FAM81A: variants seen among roughly 807,000 people sequenced by gnomAD.
The protein encoded by FAM81A is family with sequence similarity 81 member A.
In FAM81A, 19 loss-of-function variants were observed where a neutral mutation model predicts 46.7. The ratio of observed to expected loss-of-function variants is 0.41; its 90% CI spans 0.28 to 0.60. FAM81A has a LOEUF of 0.60. Ranked by LOEUF, FAM81A falls within the 20% of genes least tolerant of loss-of-function variation. The pLI, the probability that FAM81A is intolerant of heterozygous loss-of-function variation, is 0.34. For missense variants in FAM81A, 377 were observed against 453.5 expected, an observed-to-expected ratio of 0.83 and a Z score of 1.53; for synonymous variants, 183 against 152.9, an observed-to-expected ratio of 1.20 and a Z score of -1.45.
chr15:59,487,380 A>C (rs1469638516), intron 3 of FAM81A, among the ~76,000 whole-genome samples: 1 of 150,172 alleles, frequency 6.7e-6, no homozygotes, highest in Non-Finnish European at 1.5e-5. Context: ...AGAGCAAACC[A>C]AACCCAAAGT....
At chr15:59,508,484 A>G (rs2082171665) in intron 5 of FAM81A, among the ~76,000 whole-genome samples, 1 of 152,136 alleles carries the variant, frequency 6.6e-6, no homozygotes, top group Non-Finnish European at 1.5e-5. Flanking sequence ...ACCTTGATGG[A>G]TTTTGTAAAC....
intron 4 of FAM81A, among the ~76,000 whole-genome samples, chr15:59,503,506 T>C (rs1425173287): frequency 1.3e-5 from 2 of 152,068 alleles, no homozygotes; most frequent in African/African-American, 2.4e-5. Flanking sequence ...TGCACATAGA[T>C]CTAGCATGCT....
intron 2 of FAM81A, among the ~76,000 whole-genome samples, chr15:59,413,334 T>C (rs2081130483): frequency 6.6e-6 from 1 of 151,252 alleles, no homozygotes; most frequent in Non-Finnish European, 1.5e-5. Flanking sequence ...AGGGAGGTGG[T>C]TGAGGTGCGA....
rs1482202302 is a variant in FAM81A, at chr15:59,445,664, C to G, written c.-78+7382C>G. ...TAAGCCTAAATTCTTAGCTTTTCAGCCAGCGATTTATAGATGGTAGAACCA... is the reference window on the plus strand; with the variant it reads ...TAAGCCTAAATTCTTAGCTTTTCAGGCAGCGATTTATAGATGGTAGAACCA... On this transcript the variant is annotated intron_variant, in intron 1 of 8. Coordinates refer to ENST00000288228, the MANE Select transcript of FAM81A (RefSeq NM_152450.3). 4 of 152,250 alleles carry G rather than the reference C, an allele frequency of 2.6e-5. No individual in the cohort carries two copies. In the East Asian group the frequency reaches 5.8e-4, roughly 22 times the overall value. The allele number at this position is 152,250 out of a possible 1,614,324, so 9.4% of individuals were successfully genotyped here.
intron 2 of FAM81A, among the ~76,000 whole-genome samples, chr15:59,416,563 A>C (rs776124671): frequency 1.3e-5 from 2 of 152,178 alleles, no homozygotes; most frequent in Non-Finnish European, 2.9e-5. Context: ...GAGTGAACTC[A>C]AACAGGAGCT....
In FAM81A at chr15:59,409,697, C is replaced by T. The variant is rs1489015533; in HGVS notation, c.-78+7339C>T. 2.6e-5 allele frequency among the ~76,000 whole-genome samples: 4 copies of T among 152,162 alleles called. No individual in the cohort carries two copies. In the East Asian group the frequency reaches 5.8e-4, roughly 22 times the overall value. On this transcript the variant is annotated intron_variant, in intron 2 of 4. Coordinates refer to the FAM81A transcript ENST00000558348. ...GCAGAATGACTAGAAGACATGTCCT[C>T]ATCAATAATAATAATAGCTAACATT...
At chr15:59,467,921 G>T (rs1396382936) in intron 3 of FAM81A, among the ~76,000 whole-genome samples, 1 of 152,156 alleles carries the variant, frequency 6.6e-6, no homozygotes, top group African/African-American at 2.4e-5. Flanking sequence ...AGCACGACGG[G>T]CTGTTGAATT....
intron 8 of FAM81A, among the ~76,000 whole-genome samples, chr15:59,520,894 G>A (rs567355274): frequency 2.0e-5 from 3 of 152,128 alleles, no homozygotes; most frequent in Admixed American, 1.3e-4. Flanking sequence ...AATTTAGGTT[G>A]TGTATTTTGG....
At chr15:59,479,385 C>T (rs1253995375) in intron 3 of FAM81A, among the ~76,000 whole-genome samples, 8 of 151,926 alleles carry the variant, frequency 5.3e-5, no homozygotes, top group African/African-American at 1.9e-4. Flanking sequence ...GTGGCACGTG[C>T]CTGTACTCCC....
chr15:59,493,669 C>A (rs1171857021), intron 4 of FAM81A, among the ~76,000 whole-genome samples: 1 of 152,112 alleles, frequency 6.6e-6, no homozygotes, highest in East Asian at 1.9e-4. Flanking sequence ...CTCACTGCAA[C>A]CTCCGCCTCC....
chr15:59,463,440 A>G (rs936110602), intron 3 of FAM81A, among the ~76,000 whole-genome samples: 1 of 152,162 alleles, frequency 6.6e-6, no homozygotes, highest in African/African-American at 2.4e-5. Context: ...TTCTTTTTAA[A>G]AGGTAGTTTT....
intron 4 of FAM81A, among the ~76,000 whole-genome samples, chr15:59,500,754 C>G (rs1045313798): frequency 6.6e-6 from 1 of 151,806 alleles, no homozygotes; most frequent in Non-Finnish European, 1.5e-5. Context: ...TTCAAGTTCA[C>G]TAGTCTTTGT....
intron 5 of FAM81A, among the ~76,000 whole-genome samples, chr15:59,508,606 C>T (rs542991767): frequency 2.2e-4 from 33 of 152,256 alleles, no homozygotes; most frequent in African/African-American, 7.2e-4. Flanking sequence ...AGGAATTGGG[C>T]TTGCTCCTCA....
Position 59,458,567 on chromosome 15 carries a change from GA to G in FAM81A, c.-56del. ...TTCAACAGATGTGAATTATTAAAAAGAAAATGGCCCAACGGAGCACTGTATT... is the reference window on the plus strand; with the variant it reads ...TTCAACAGATGTGAATTATTAAAAAGAAATGGCCCAACGGAGCACTGTATT... On this transcript the variant is annotated 5_prime_UTR_variant, in exon 2 of 9. It adds an upstream start codon to the 5' untranslated region. Coordinates refer to ENST00000288228, the MANE Select transcript of FAM81A (RefSeq NM_152450.3). The G allele has an allele frequency of 6.2e-7, 1 of 1,612,714 alleles. No homozygotes were observed.
intron 3 of FAM81A, among the ~76,000 whole-genome samples, chr15:59,490,931 A>G (rs1221225156): frequency 6.6e-6 from 1 of 152,214 alleles, no homozygotes; most frequent in African/African-American, 2.4e-5. Context: ...TGGCAAGGAT[A>G]TGGAGAAAAG....
chr15:59,489,266 AATACATACATACATACATAC>A (rs61067164), intron 3 of FAM81A, among the ~76,000 whole-genome samples: 5 of 144,268 alleles, frequency 3.5e-5, no homozygotes, highest in East Asian at 4.1e-4. Context: ...CTCCATCTCA[AATACATACATACATACATAC>A]ATACATACAT....
At chr15:59,512,586 G>A (rs1435765541) in intron 6 of FAM81A, among the ~76,000 whole-genome samples, 1 of 151,898 alleles carries the variant, frequency 6.6e-6, no homozygotes, top group African/African-American at 2.4e-5. Context: ...GTTACTTCTT[G>A]GGTTGTGGGG....
At chr15:59,413,987 T>C (rs1011615668) in intron 2 of FAM81A, among the ~76,000 whole-genome samples, 5 of 152,088 alleles carry the variant, frequency 3.3e-5, no homozygotes, top group African/African-American at 1.2e-4. Flanking sequence ...AGAATCTCAC[T>C]CTGTCACCCA....
At chr15:59,448,303 G>C (rs1435945437) in intron 1 of FAM81A, among the ~76,000 whole-genome samples, 1 of 152,166 alleles carries the variant, frequency 6.6e-6, no homozygotes, top group Non-Finnish European at 1.5e-5. Context: ...CTTGAACCCG[G>C]GAGGTAGATG....
Sources: gnomAD v4.1 joint callset for allele counts (sites outside exome capture counted in the v4.1 genomes callset) on GRCh38, gnomAD v4.1.1 for gene constraint, MANE v1.5 for transcripts, NCBI Gene and HGNC (gene_info 2026-07-23, HGNC 2026-07-21) for gene names.